Variants in KLHL1 observed in about 807,000 individuals in gnomAD.
The protein encoded by KLHL1 is kelch like family member 1, also known as kelch-like protein 1.
A neutral mutation model predicts 77.7 loss-of-function variants in KLHL1; 47 were observed. That is an observed-to-expected ratio of 0.60 (90% CI 0.48 to 0.77). KLHL1 has a LOEUF of 0.77. KLHL1 is among the 30% of genes least tolerant of loss of function. The pLI, the probability that KLHL1 is intolerant of heterozygous loss-of-function variation, is 0.00. For missense variants in KLHL1, 925 were observed against 910.8 expected, an observed-to-expected ratio of 1.02 and a Z score of -0.20; for synonymous variants, 360 against 325.2, an observed-to-expected ratio of 1.11 and a Z score of -1.15.
At chr13:69,843,740 T>A (rs1450425685) in intron 5 of KLHL1, among the ~76,000 whole-genome samples, 1 of 151,748 alleles carries the variant, frequency 6.6e-6, no homozygotes, top group Admixed American at 6.6e-5. Context: ...AGTGGTATCT[T>A]CTACTGAGGT....
At chr13:69,932,332 T>C (rs886633082) in intron 4 of KLHL1, among the ~76,000 whole-genome samples, 1 of 151,744 alleles carries the variant, frequency 6.6e-6, no homozygotes, top group African/African-American at 2.4e-5. Context: ...AAAAGCAAAT[T>C]ATTGATTTTA....
intron 6 of KLHL1, among the ~76,000 whole-genome samples, chr13:69,813,452 A>G (rs374986943): frequency 2.0e-5 from 3 of 149,920 alleles, no homozygotes; most frequent in South Asian, 4.3e-4. Flanking sequence ...GTGCACATAT[A>G]AAAAAATACA....
chr13:69,798,023 G>A (rs1336757059), intron 6 of KLHL1, among the ~76,000 whole-genome samples: 4 of 152,092 alleles, frequency 2.6e-5, no homozygotes. Context: ...TTACTGGTGA[G>A]ATTTGTTTTA....
At chr13:70,067,082 T>C (rs772083655) in intron 1 of KLHL1, among the ~76,000 whole-genome samples, 18 of 152,154 alleles carry the variant, frequency 1.2e-4, no homozygotes, top group Non-Finnish European at 2.5e-4. Flanking sequence ...TTCCGCAAGA[T>C]TCAGCTTTAT....
rs1036238195 is a variant in KLHL1, at chr13:69,877,928, T to C, written c.1227+4355A>G. Among the ~76,000 whole-genome samples the C allele has an allele frequency of 1.1e-4, 17 of 152,238 alleles. No homozygotes were observed. In the South Asian group the frequency reaches 2.7e-3, roughly 24 times the overall value. On this transcript the variant is annotated intron_variant, in intron 5 of 10. Transcript: ENST00000377844. ...TGATTTTCTCTGTGTACTTAAGAAATAACAAAGCCCAGATACACATAATGG... is the reference window on the plus strand; with the variant it reads ...TGATTTTCTCTGTGTACTTAAGAAACAACAAAGCCCAGATACACATAATGG...
chr13:70,064,456 G>C (rs768230454), intron 1 of KLHL1, among the ~76,000 whole-genome samples: 8 of 152,140 alleles, frequency 5.3e-5, no homozygotes, highest in Non-Finnish European at 8.8e-5. Flanking sequence ...AAATTCTGTA[G>C]TGTGTTTTAT....
At chr13:69,920,400 A>T (rs1882594207) in intron 4 of KLHL1, among the ~76,000 whole-genome samples, 1 of 152,170 alleles carries the variant, frequency 6.6e-6, no homozygotes, top group Non-Finnish European at 1.5e-5. Context: ...ATATTTAGGC[A>T]GTACCCAATA....
intron 1 of KLHL1, among the ~76,000 whole-genome samples, chr13:70,057,517 C>T (rs1378381533): frequency 6.9e-6 from 1 of 145,922 alleles, no homozygotes; most frequent in Non-Finnish European, 1.5e-5. Context: ...TGGCTCACGC[C>T]TGTAATCCCA....
At chr13:69,861,519 C>CAT (rs1880158137) in intron 5 of KLHL1, among the ~76,000 whole-genome samples, 2 of 152,000 alleles carry the variant, frequency 1.3e-5, no homozygotes, top group African/African-American at 4.8e-5. Context: ...CTTCCTACTA[C>CAT]ATATATATCC....
chr13:69,842,182 A>G (rs892529931), intron 5 of KLHL1, among the ~76,000 whole-genome samples: 2 of 151,992 alleles, frequency 1.3e-5, no homozygotes, highest in African/African-American at 4.8e-5. Flanking sequence ...AACAACAATA[A>G]AAAGACAAAT....
intron 1 of KLHL1, among the ~76,000 whole-genome samples, chr13:70,001,522 G>A (rs1303808282): frequency 2.0e-5 from 3 of 151,080 alleles, no homozygotes; most frequent in Non-Finnish European, 4.4e-5. Flanking sequence ...TTCCAAGTAT[G>A]ATTTATTTCA....
At chr13:70,018,913 G>A (rs566980384) in intron 1 of KLHL1, among the ~76,000 whole-genome samples, 2 of 152,322 alleles carry the variant, frequency 1.3e-5, no homozygotes, top group Admixed American at 1.3e-4. Context: ...AGAGATTAAT[G>A]TCACTGAAGC....
chr13:69,940,272 A>T (rs755607910), intron 3 of KLHL1, 36 bp from the exon 4 acceptor site: 7 of 1,489,982 alleles, frequency 4.7e-6, no homozygotes, highest in South Asian at 1.2e-5. Flanking sequence ...AAACTCTTTT[A>T]AAAACATGAA....
chr13:69,737,263 G>A (rs1720529037), intron 8 of KLHL1, among the ~76,000 whole-genome samples: 1 of 152,182 alleles, frequency 6.6e-6, no homozygotes, highest in African/African-American at 2.4e-5. Flanking sequence ...CATGGTGGCT[G>A]CTCGGGCAGG....
chr13:69,747,547 G>T (rs959435332), intron 7 of KLHL1, among the ~76,000 whole-genome samples: 1 of 151,932 alleles, frequency 6.6e-6, no homozygotes, highest in South Asian at 2.1e-4. Context: ...CATTGTAATT[G>T]ATATTGTTGT....
intron 1 of KLHL1, among the ~76,000 whole-genome samples, chr13:69,993,475 A>C (rs1693083444): frequency 6.6e-6 from 1 of 152,038 alleles, no homozygotes; most frequent in Non-Finnish European, 1.5e-5. Context: ...TCAGGACTCT[A>C]AACACACTTT....
At chr13:69,970,765 T>C (rs796166252) in intron 2 of KLHL1, among the ~76,000 whole-genome samples, 6 of 152,240 alleles carry the variant, frequency 3.9e-5, no homozygotes, top group Admixed American at 1.3e-4. Flanking sequence ...AAGTCTTCAT[T>C]CTTGATTTGT....
chr13:70,037,878 C>G (rs1281046473), intron 1 of KLHL1, among the ~76,000 whole-genome samples: 2 of 151,990 alleles, frequency 1.3e-5, no homozygotes, highest in Non-Finnish European at 2.9e-5. Context: ...ACTCATATTT[C>G]TTCATTATAT....
intron 5 of KLHL1, among the ~76,000 whole-genome samples, chr13:69,872,487 C>A (rs573260088): frequency 6.6e-6 from 1 of 152,244 alleles, no homozygotes; most frequent in East Asian, 1.9e-4. Flanking sequence ...GGAGTTATAT[C>A]TTCATTACCA....
Sources: allele counts gnomAD v4.1 joint callset (sites outside exome capture counted in the v4.1 genomes callset), GRCh38; gene constraint gnomAD v4.1.1; transcripts MANE v1.5; gene names NCBI Gene and HGNC (gene_info 2026-07-23, HGNC 2026-07-21).